The following PARM1 variants were observed in gnomAD, a reference collection of about 807,000 sequenced individuals.
PARM1 encodes WSC4, cell wall integrity and stress response component 4 homolog.
In PARM1, 14 loss-of-function variants were observed where a neutral mutation model predicts 24.6. The ratio of observed to expected loss-of-function variants is 0.57; its 90% confidence interval spans 0.38 to 0.89. PARM1 has a LOEUF of 0.89. Ranked by LOEUF, PARM1 falls within the 40% of genes least tolerant of loss-of-function variation. PARM1 has a pLI of 0.00. For synonymous variants in PARM1, 179 were observed against 156.6 expected, an observed-to-expected ratio of 1.14 and a Z score of -1.07; for missense variants, 362 against 380.4, an observed-to-expected ratio of 0.95 and a Z score of 0.40.
At chr4:74,968,029 T>G (rs1421045155) in intron 1 of PARM1, among the ~76,000 whole-genome samples, 2 of 152,220 alleles carry the variant, frequency 1.3e-5, no homozygotes, top group African/African-American at 4.8e-5. Context: ...ATTTTCCTTC[T>G]TGCAAAACTT....
intron 1 of PARM1, among the ~76,000 whole-genome samples, chr4:74,981,748 GC>G (rs1722259975): frequency 1.3e-5 from 2 of 151,948 alleles, no homozygotes; most frequent in Non-Finnish European, 2.9e-5. Context: ...AGTGGAAGGC[GC>G]CTGTAATCCC....
In PARM1 at chr4:75,046,343, A is replaced by G; in HGVS notation, c.*96A>G. ...AGTACCTGATGCGCATTGAACGACAATCTTAAGCCCTGTTTTGTTGGTATG... is the reference window on the plus strand; with the variant it reads ...AGTACCTGATGCGCATTGAACGACAGTCTTAAGCCCTGTTTTGTTGGTATG... On this transcript the variant is annotated 3_prime_UTR_variant, in exon 4 of 4. Coordinates refer to ENST00000307428, the MANE Select transcript of PARM1 (RefSeq NM_015393.4). 1 of 771,536 alleles carries G rather than the reference A, an allele frequency of 1.3e-6. No homozygotes were observed. 47.8% of individuals were successfully genotyped at this position (771,536 alleles called of 1,614,324 possible). A position where few individuals can be genotyped will look rare whatever the true frequency, so the allele number is the denominator to read the frequency against.
At chr4:74,961,079 CAGAA>C (rs983538126) in intron 1 of PARM1, among the ~76,000 whole-genome samples, 14 of 150,174 alleles carry the variant, frequency 9.3e-5, no homozygotes, top group Middle Eastern at 3.5e-3. Flanking sequence ...ATGAACAAAA[CAGAA>C]AGATTAATAA....
rs1330614870 is a variant in PARM1, at chr4:75,012,578, T to C, written c.197T>C (p.Leu66Pro). Residue 66 changes from leucine (L) to proline (P), a missense_variant, in exon 2 of 4, where the codon CTC becomes CCC. Leu to Pro is a moderately conservative substitution (Grantham distance 98). Transcript: ENST00000307428. ...AACGGCACTCACAACAACTCGGTGCTCCCAGTTACAGCATCAGCCCCAACA... is the reference window on the plus strand; with the variant it reads ...AACGGCACTCACAACAACTCGGTGCCCCCAGTTACAGCATCAGCCCCAACA... The part of the protein sequence containing the change: ...PSNGTHNNSV[L>P]PVTASAPTSL... The C allele has an allele frequency of 6.2e-7, 1 of 1,613,682 alleles. No individual in the cohort carries two copies. The highest frequency in any genetic ancestry group is 8.5e-7 in the Non-Finnish European group (1 of 1,179,870).
intron 2 of PARM1, among the ~76,000 whole-genome samples, chr4:75,024,096 C>A (rs907133721): frequency 3.9e-5 from 6 of 152,060 alleles, no homozygotes; most frequent in Non-Finnish European, 8.8e-5. Flanking sequence ...ACGGTGAAAC[C>A]CCGTCTCTAC....
intron 1 of PARM1, chr4:74,969,605 A>T (rs1721981794): frequency 6.6e-6 from 1 of 152,234 alleles, no homozygotes; most frequent in Non-Finnish European, 1.5e-5. Context: ...AAGAGGAATG[A>T]TGCGTCTGGA....
chr4:74,968,203 A>G (rs1326377264), intron 1 of PARM1, among the ~76,000 whole-genome samples: 1 of 152,258 alleles, frequency 6.6e-6, no homozygotes, highest in Non-Finnish European at 1.5e-5. Context: ...CCTGGAAAGC[A>G]GAGGAAAGAG....
chr4:75,025,865 C>T (rs934681319), intron 2 of PARM1, among the ~76,000 whole-genome samples: 1 of 152,218 alleles, frequency 6.6e-6, no homozygotes, highest in Admixed American at 6.5e-5. Flanking sequence ...TGGGATCCTA[C>T]CTCACAGTTC....
chr4:74,984,315 G>C (rs1722311222), intron 1 of PARM1, among the ~76,000 whole-genome samples: 2 of 152,204 alleles, frequency 1.3e-5, no homozygotes, highest in Admixed American at 6.5e-5. Context: ...ACCTGAAGCA[G>C]GGTTTAACAA....
chr4:75,012,421 A>G lies in PARM1; in HGVS notation c.44-4A>G. The G allele has an allele frequency of 6.2e-7, 1 of 1,610,482 alleles. No individual in the cohort carries two copies. Among genetic ancestry groups the G allele is most frequent in the Non-Finnish European group, 8.5e-7 (1 of 1,177,028 alleles). ...TAACCACTTTTGTACTGGCTTTTCC[A>G]CAGGATGGAGGGTACAGAGTCTGCC... On this transcript the variant is annotated splice_polypyrimidine_tract_variant and splice_region_variant and intron_variant, in intron 1 of 3. Coordinates refer to ENST00000307428, the MANE Select transcript of PARM1 (RefSeq NM_015393.4).
intron 2 of PARM1, among the ~76,000 whole-genome samples, chr4:75,028,249 C>A (rs1256603315): frequency 6.6e-6 from 1 of 152,180 alleles, no homozygotes; most frequent in Non-Finnish European, 1.5e-5. Flanking sequence ...GATGCTCTTG[C>A]TGTGAGAATG....
rs189379601 is a variant in PARM1, at chr4:75,034,031, C to T, written c.848+70C>T. On this transcript the variant is annotated intron_variant, in intron 3 of 3. Coordinates refer to ENST00000307428, the MANE Select transcript of PARM1 (RefSeq NM_015393.4). ...GGGCTCTGGGCTGAGCGCTGTTTTG[C>T]TGGATACTTGTTCCTTAATAGGTAT... 1,416 of 1,251,768 alleles carry T rather than the reference C, an allele frequency of 1.1e-3. 11 individuals are homozygous for T. In the African/African-American group the frequency reaches 0.02, roughly 17 times the overall value. The allele number at this position is 1,251,768 out of a possible 1,614,324, so 77.5% of individuals were successfully genotyped here.
intron 3 of PARM1, among the ~76,000 whole-genome samples, chr4:75,036,666 AT>A (rs1723378463): frequency 6.6e-6 from 1 of 152,064 alleles, no homozygotes; most frequent in African/African-American, 2.4e-5. Context: ...TGTTTGGAAA[AT>A]TTTGTTAGCA....
At chr4:75,018,968 T>A (rs551536855) in intron 2 of PARM1, among the ~76,000 whole-genome samples, 132 of 152,300 alleles carry the variant, frequency 8.7e-4, no homozygotes, top group African/African-American at 3.0e-3. Flanking sequence ...ACTGTAGAAA[T>A]GAGCTAGATG....
chr4:74,933,839 G>A (rs1489998184), intron 1 of PARM1, among the ~76,000 whole-genome samples: 2 of 152,168 alleles, frequency 1.3e-5, no homozygotes, highest in African/African-American at 2.4e-5. Context: ...GCCTGGCGGG[G>A]CTGGTTTGCT....
intron 1 of PARM1, among the ~76,000 whole-genome samples, chr4:74,934,091 C>T (rs538456570): frequency 1.3e-5 from 2 of 152,292 alleles, no homozygotes; most frequent in Admixed American, 6.5e-5. Flanking sequence ...GTAGGAGCCA[C>T]TCTCGGGTTT....
Position 74,970,008 on chromosome 4 carries a change from C to T in PARM1, c.43+36638C>T, listed in dbSNP as rs141647859. On this transcript the variant is annotated intron_variant, in intron 1 of 3. Transcript: ENST00000307428. ...CTAAGTCACTGGCAGATTTAAAAAT[C>T]ACAGCGGTTCACAGCCAGATGACCA... The T allele has an allele frequency of 1.1e-4, 17 of 152,288 alleles. No homozygotes were observed. The East Asian group carries it at 3.3e-3, about 29-fold the overall frequency. 9.4% of individuals were successfully genotyped at this position (152,288 alleles called of 1,614,324 possible). A position where few individuals can be genotyped will look rare whatever the true frequency, so the allele number is the denominator to read the frequency against.
intron 1 of PARM1, among the ~76,000 whole-genome samples, chr4:75,009,523 C>A (rs1285055622): frequency 6.6e-6 from 1 of 152,162 alleles, no homozygotes; most frequent in African/African-American, 2.4e-5. Flanking sequence ...CCTAACTAGA[C>A]ATCAGTCATA....
intron 1 of PARM1, among the ~76,000 whole-genome samples, chr4:74,988,456 A>G (rs1722401705): frequency 6.6e-6 from 1 of 152,168 alleles, no homozygotes; most frequent in Non-Finnish European, 1.5e-5. Flanking sequence ...AGAGAAGATG[A>G]TTAGTGGGAG....
Sources: allele counts gnomAD v4.1 joint callset (sites outside exome capture counted in the v4.1 genomes callset), GRCh38; gene constraint gnomAD v4.1.1; transcripts MANE v1.5; gene names NCBI Gene and HGNC (gene_info 2026-07-23, HGNC 2026-07-21).